The following TMEM132D variants were observed in gnomAD, a reference collection of about 807,000 sequenced individuals.
TMEM132D encodes the protein transmembrane protein 132D, also known as mature OL transmembrane protein.
TMEM132D carries 21 observed loss-of-function variants against 62.3 expected under a neutral mutation model. That is an observed-to-expected ratio of 0.34 (90% CI 0.24 to 0.49). The LOEUF is 0.49. Ranked by LOEUF, TMEM132D falls within the 20% of genes least tolerant of loss-of-function variation. The probability of loss-of-function intolerance (pLI) is 0.99; values close to 1 mark genes in which losing one functional copy is unlikely to be tolerated. For missense variants in TMEM132D, 1,346 were observed against 1,402.8 expected, an observed-to-expected ratio of 0.96 and a Z score of 0.65; for synonymous variants, 621 against 575.6, an observed-to-expected ratio of 1.08 and a Z score of -1.13.
intron 5 of TMEM132D, among the ~76,000 whole-genome samples, chr12:129,205,505 A>G (rs774722815): frequency 2.6e-5 from 4 of 152,178 alleles, no homozygotes; most frequent in Non-Finnish European, 5.9e-5. Context: ...GGGGCATCCA[A>G]ATTCATAAAG....
At chr12:129,675,859 G>C (rs2085473407) in intron 2 of TMEM132D, among the ~76,000 whole-genome samples, 1 of 152,214 alleles carries the variant, frequency 6.6e-6, no homozygotes, top group Admixed American at 6.5e-5. Flanking sequence ...GGATGGACTT[G>C]CAGGGAAAAA....
intron 4 of TMEM132D, among the ~76,000 whole-genome samples, chr12:129,247,389 G>C (rs577058636): frequency 6.6e-6 from 1 of 152,234 alleles, no homozygotes; most frequent in East Asian, 1.9e-4. Context: ...TCCCTCTCTG[G>C]CTTTAGGGAT....
intron 3 of TMEM132D, among the ~76,000 whole-genome samples, chr12:129,342,927 G>C (rs993149131): frequency 3.3e-5 from 5 of 152,120 alleles, no homozygotes; most frequent in East Asian, 1.9e-4. Context: ...CAGGAAACAA[G>C]AGGTGCTGGA....
intron 2 of TMEM132D, among the ~76,000 whole-genome samples, chr12:129,639,852 T>C (rs994568462): frequency 2.0e-5 from 3 of 152,124 alleles, no homozygotes; most frequent in Non-Finnish European, 4.4e-5. Context: ...TACTGACAGC[T>C]GAAGACCATG....
At chr12:129,428,926 G>A (rs897028386) in intron 3 of TMEM132D, among the ~76,000 whole-genome samples, 2 of 152,246 alleles carry the variant, frequency 1.3e-5, no homozygotes, top group African/African-American at 4.8e-5. Context: ...GAAAGTAAAT[G>A]AGGAAGTGTG....
intron 3 of TMEM132D, among the ~76,000 whole-genome samples, chr12:129,426,661 C>T (rs1449353281): frequency 6.6e-6 from 1 of 152,168 alleles, no homozygotes; most frequent in Admixed American, 6.5e-5. Context: ...AATAATAATA[C>T]CAACATTGGC....
rs576856267 is a variant in TMEM132D at position 129,357,281 on chromosome 12, G to A, written c.1116-19464C>T. Among the ~76,000 whole-genome samples, 20 of 148,700 alleles carry A rather than the reference G, an allele frequency of 1.3e-4. No homozygotes were observed. In the South Asian group the frequency reaches 4.1e-3, roughly 30 times the overall value. ...AAAAGAAAAGAAAGAAGGGAGGGAG[G>A]GAGGAAGGAGAAAGAAAGAAAGAAG... On this transcript the variant is annotated intron_variant, in intron 3 of 8. Coordinates refer to ENST00000422113, the MANE Select transcript of TMEM132D (RefSeq NM_133448.3).
At chr12:129,352,114 T>C (rs1399486872) in intron 3 of TMEM132D, among the ~76,000 whole-genome samples, 1 of 152,140 alleles carries the variant, frequency 6.6e-6, no homozygotes, top group African/African-American at 2.4e-5. Context: ...CTGGGCTGCG[T>C]TCCCAGGAAG....
chr12:129,574,899 G>A (rs948207075), intron 2 of TMEM132D, among the ~76,000 whole-genome samples: 2 of 151,816 alleles, frequency 1.3e-5, no homozygotes, highest in Admixed American at 1.3e-4. Flanking sequence ...AAGTTCAGAA[G>A]CAGCCGGATT....
At chr12:129,869,962 A>G (rs1046831550) in intron 1 of TMEM132D, among the ~76,000 whole-genome samples, 7 of 152,066 alleles carry the variant, frequency 4.6e-5, no homozygotes, top group Non-Finnish European at 8.8e-5. Flanking sequence ...TTCCTGAGTG[A>G]TGTGTTCTTG....
chr12:129,109,124 AG>A (rs1230214068), intron 5 of TMEM132D, among the ~76,000 whole-genome samples: 1 of 152,250 alleles, frequency 6.6e-6, no homozygotes, highest in Non-Finnish European at 1.5e-5. Flanking sequence ...GGATGGAAAA[AG>A]CACAATAGCG....
chr12:129,511,744 C>T (rs1159143463), intron 3 of TMEM132D, among the ~76,000 whole-genome samples: 1 of 152,126 alleles, frequency 6.6e-6, no homozygotes. Context: ...AATATTTCCT[C>T]CTGGGCTGCA....
chr12:129,084,762 C>A (rs764778228), intron 5 of TMEM132D, 60 bp from the exon 6 acceptor site: 1 of 1,546,210 alleles, frequency 6.5e-7, no homozygotes, highest in African/African-American at 1.4e-5. Flanking sequence ...CGTTGCATGG[C>A]CCAAGGAGGA....
chr12:129,132,798 G>C (rs1296921858), intron 5 of TMEM132D, among the ~76,000 whole-genome samples: 1 of 152,148 alleles, frequency 6.6e-6, no homozygotes, highest in East Asian at 1.9e-4. Context: ...ATGAACCTGG[G>C]AAAAAAGTAG....
intron 3 of TMEM132D, among the ~76,000 whole-genome samples, chr12:129,406,871 A>T (rs550520173): frequency 6.6e-6 from 1 of 152,224 alleles, no homozygotes; most frequent in Non-Finnish European, 1.5e-5. Flanking sequence ...GTTATGCACG[A>T]AACTGAAAGA....
chr12:129,433,329 C>T (rs1211757029), intron 3 of TMEM132D, among the ~76,000 whole-genome samples: 1 of 152,128 alleles, frequency 6.6e-6, no homozygotes, highest in Admixed American at 6.6e-5. Context: ...GTAATTATTA[C>T]CAAACACTTT....
chr12:129,336,760 G>A (rs1322784548), intron 4 of TMEM132D, among the ~76,000 whole-genome samples: 5 of 152,130 alleles, frequency 3.3e-5, no homozygotes, highest in Non-Finnish European at 7.4e-5. Context: ...CAGGAGAAAC[G>A]CCGAGTGTGG....
At chr12:129,758,933 TTTC>T (rs1870259151) in intron 1 of TMEM132D, among the ~76,000 whole-genome samples, 2 of 150,754 alleles carry the variant, frequency 1.3e-5, no homozygotes, top group African/African-American at 2.5e-5. Flanking sequence ...TCTTTCTTTC[TTTC>T]TTTTTTTTTT....
At chr12:129,804,451 C>T (rs941809207) in intron 1 of TMEM132D, among the ~76,000 whole-genome samples, 3 of 147,274 alleles carry the variant, frequency 2.0e-5, no homozygotes, top group Non-Finnish European at 3.0e-5. Context: ...ACATGATTAT[C>T]TCAATAGATG....
Sources: gnomAD v4.1 joint callset for allele counts (sites outside exome capture counted in the v4.1 genomes callset) on GRCh38, gnomAD v4.1.1 for gene constraint, MANE v1.5 for transcripts, NCBI Gene and HGNC (gene_info 2026-07-23, HGNC 2026-07-21) for gene names.